ROBO1: variants seen among roughly 807,000 people sequenced by gnomAD.
ROBO1 encodes roundabout homolog 1.
ROBO1 carries 149 observed loss-of-function variants against 195.9 expected under a neutral mutation model. The observed-to-expected ratio is 0.76, with a 90% CI of 0.67 to 0.87. ROBO1 has a LOEUF of 0.87. ROBO1 is among the 40% of genes least tolerant of loss of function. The pLI is 0.00. For synonymous variants in ROBO1, 816 were observed against 733.2 expected, an observed-to-expected ratio of 1.11 and a Z score of -1.82; for missense variants, 1,933 against 2,068.3, an observed-to-expected ratio of 0.93 and a Z score of 1.27.
intron 1 of ROBO1, among the ~76,000 whole-genome samples, chr3:79,612,022 TC>T (rs1466433427): frequency 7.6e-6 from 1 of 131,682 alleles, no homozygotes; most frequent in Non-Finnish European, 1.6e-5. Context: ...ATGACTATTA[TC>T]TTTTTTTTTA....
At chr3:78,745,992 A>C (rs2082647259) in intron 5 of ROBO1, among the ~76,000 whole-genome samples, 1 of 152,216 alleles carries the variant, frequency 6.6e-6, no homozygotes, top group Non-Finnish European at 1.5e-5. Flanking sequence ...CACAATGGAC[A>C]GATATCAGTG....
chr3:79,331,408 A>G (rs1247040259), intron 2 of ROBO1, among the ~76,000 whole-genome samples: 1 of 152,262 alleles, frequency 6.6e-6, no homozygotes, highest in Non-Finnish European at 1.5e-5. Flanking sequence ...TAATTAAGAT[A>G]AAACAGTTAT....
chr3:78,672,867 T>C (rs931757446), intron 10 of ROBO1, among the ~76,000 whole-genome samples: 2 of 152,086 alleles, frequency 1.3e-5, no homozygotes, highest in Non-Finnish European at 2.9e-5. Context: ...ATCAGAAATG[T>C]TTAACAAAGT....
intron 2 of ROBO1, among the ~76,000 whole-genome samples, chr3:79,537,331 A>G (rs1049030236): frequency 6.6e-6 from 1 of 152,150 alleles, no homozygotes; most frequent in Admixed American, 6.6e-5. Context: ...CTCACAAGGC[A>G]TTATGAGGGC....
At chr3:79,468,520 A>C (rs1262936636) in intron 2 of ROBO1, among the ~76,000 whole-genome samples, 1 of 152,188 alleles carries the variant, frequency 6.6e-6, no homozygotes, top group African/African-American at 2.4e-5. Flanking sequence ...GTCGTATGTA[A>C]TCAAGAGAAA....
chr3:79,491,614 T>C, intron 2 of ROBO1, among the ~76,000 whole-genome samples: 1 of 152,160 alleles, frequency 6.6e-6, no homozygotes, highest in East Asian at 1.9e-4. Context: ...AAACTGCTTA[T>C]TCTTTTTATC....
chr3:78,762,553 G>A (rs909414465), intron 4 of ROBO1, among the ~76,000 whole-genome samples: 18 of 151,888 alleles, frequency 1.2e-4, no homozygotes, highest in African/African-American at 4.1e-4. Flanking sequence ...CTAAACAGAC[G>A]ATGTAGAGGC....
chr3:79,078,048 A>T (rs2079204098), intron 3 of ROBO1, among the ~76,000 whole-genome samples: 1 of 151,832 alleles, frequency 6.6e-6, no homozygotes, highest in Admixed American at 6.6e-5. Flanking sequence ...CTCAAAGAAG[A>T]CTACTTATCT....
intron 2 of ROBO1, among the ~76,000 whole-genome samples, chr3:79,414,221 CCTCTTTCTCTTT>C (rs141124713): frequency 2.3e-4 from 34 of 150,934 alleles, no homozygotes; most frequent in Admixed American, 1.3e-3. Context: ...CTCTCTCCCT[CCTCTTTCTCTTT>C]CTCTTTCTCT....
intron 14 of ROBO1, 78 bp from the exon 15 acceptor site, chr3:78,662,192 T>C: frequency 1.4e-6 from 2 of 1,399,314 alleles, no homozygotes; most frequent in Non-Finnish European, 1.9e-6. Flanking sequence ...AAACAAACTG[T>C]TCATTCATAG....
chr3:78,663,937 T>C (rs569433854), intron 14 of ROBO1, among the ~76,000 whole-genome samples: 41 of 152,252 alleles, frequency 2.7e-4, no homozygotes, highest in African/African-American at 7.0e-4. Context: ...ATAACCACTT[T>C]ATACATAACT....
chr3:78,622,276 C>T (rs898551956), intron 26 of ROBO1, among the ~76,000 whole-genome samples: 10 of 152,098 alleles, frequency 6.6e-5, no homozygotes, highest in South Asian at 2.1e-4. Flanking sequence ...TTATATAATT[C>T]GACTTGCAGT....
intron 2 of ROBO1, among the ~76,000 whole-genome samples, chr3:79,479,465 G>A (rs1452395937): frequency 6.6e-6 from 1 of 152,140 alleles, no homozygotes; most frequent in African/African-American, 2.4e-5. Context: ...CCTGCTACGT[G>A]GCCACGTTCC....
chr3:79,724,202 C>T (rs925591721), intron 1 of ROBO1, among the ~76,000 whole-genome samples: 2 of 152,162 alleles, frequency 1.3e-5, no homozygotes, highest in African/African-American at 4.8e-5. Flanking sequence ...CCTTGACTCC[C>T]ATTTAGGGTA....
chr3:78,845,310 A>G (rs2033585666), intron 4 of ROBO1, among the ~76,000 whole-genome samples: 1 of 87,140 alleles, frequency 1.1e-5, no homozygotes, highest in East Asian at 3.1e-4. Context: ...TCTCATTAAC[A>G]TTTTTAAATT....
intron 4 of ROBO1, among the ~76,000 whole-genome samples, chr3:78,758,376 A>C (rs2082995351): frequency 6.6e-6 from 1 of 151,814 alleles, no homozygotes; most frequent in Non-Finnish European, 1.5e-5. Flanking sequence ...ATATAAAAAA[A>C]TAGCTGGGTG....
At chr3:78,738,760 G>A (rs2082453436) in intron 5 of ROBO1, among the ~76,000 whole-genome samples, 1 of 151,952 alleles carries the variant, frequency 6.6e-6, no homozygotes. Flanking sequence ...AAATATACTT[G>A]TTCATTATGC....
At chr3:79,110,567 T>A (rs370802270) in intron 3 of ROBO1, among the ~76,000 whole-genome samples, 2 of 151,622 alleles carry the variant, frequency 1.3e-5, no homozygotes, top group East Asian at 1.9e-4. Context: ...AGAATGAGAA[T>A]CTCGTATCTG....
At chr3:78,636,495 T>C (rs1705510551) in intron 22 of ROBO1, among the ~76,000 whole-genome samples, 2 of 152,110 alleles carry the variant, frequency 1.3e-5, no homozygotes, top group South Asian at 4.1e-4. Context: ...TATTTGAAGC[T>C]ACTGGTTAGC....
Sources: gnomAD v4.1 joint callset for allele counts (sites outside exome capture counted in the v4.1 genomes callset) on GRCh38, gnomAD v4.1.1 for gene constraint, MANE v1.5 for transcripts, NCBI Gene and HGNC (gene_info 2026-07-23, HGNC 2026-07-21) for gene names.